GRM4: variants seen among roughly 807,000 people sequenced by gnomAD.
GRM4 encodes the protein glutamate metabotropic receptor 4.
GRM4 carries 28 observed loss-of-function variants against 81.7 expected under a neutral mutation model. The observed-to-expected ratio is 0.34, with a 90% confidence interval of 0.25 to 0.47. The LOEUF is 0.47. GRM4 is among the 20% of genes least tolerant of loss of function. The probability of loss-of-function intolerance (pLI) is 1.00; values close to 1 mark genes in which losing one functional copy is unlikely to be tolerated. For synonymous variants in GRM4, 488 were observed against 528.8 expected, an observed-to-expected ratio of 0.92 and a Z score of 1.06; for missense variants, 948 against 1,290.0, an observed-to-expected ratio of 0.73 and a Z score of 4.06.
chr6:34,139,025 C>T lies in GRM4; in HGVS notation c.-363-5166G>A, dbSNP rs574923312. 2.6e-5 allele frequency among the ~76,000 whole-genome samples: 4 copies of T among 152,370 alleles called. 1 individual carries two copies. In the South Asian group the frequency reaches 6.2e-4, roughly 24 times the overall value. On this transcript the variant is annotated intron_variant, in intron 1 of 10. Transcript: ENST00000538487. Reference sequence around the variant, plus strand: ...TCAACCCACCCCAGGCCAGCTGGGGCTTTATTCTGCCTAAAGAGAAGCCCT... The same window carrying T: ...TCAACCCACCCCAGGCCAGCTGGGGTTTTATTCTGCCTAAAGAGAAGCCCT...
At position 34,068,744 on chromosome 6, in the gene GRM4, C is replaced by G. The variant is rs1766619704; in HGVS notation, c.737-6716G>C. On this transcript the variant is annotated intron_variant, in intron 3 of 10. Transcript: ENST00000538487. The surrounding 1 kb of genome is among the most constrained non-coding windows in gnomAD (Gnocchi z 4.2). ...TCACCCACTCCCTGCTGTGGGGAGA[C>G]AGTCAGGGGTCCCCCAGGCTGTCAC... Among the ~76,000 whole-genome samples, 1 of 152,144 alleles carries G rather than the reference C, an allele frequency of 6.6e-6. No individual in the cohort carries two copies. The highest frequency in any genetic ancestry group is 2.4e-5 in the African/African-American group (1 of 41,450).
At chr6:34,051,203 G>A (rs929791415) in intron 6 of GRM4, among the ~76,000 whole-genome samples, 5 of 152,170 alleles carry the variant, frequency 3.3e-5, no homozygotes, top group African/African-American at 1.2e-4. Flanking sequence ...GAGCCAAATG[G>A]TCGGATTCAA....
intron 2 of GRM4, among the ~76,000 whole-genome samples, chr6:34,108,284 A>G (rs967327907): frequency 6.6e-6 from 1 of 152,258 alleles, no homozygotes. Context: ...AGCCGCTATA[A>G]TAAGAGTTAA....
rs142860140 is a variant in GRM4, at chr6:34,088,307, A to G, written c.736+3576T>C. Among the ~76,000 whole-genome samples, 1,065 of 152,220 alleles carry G rather than the reference A, an allele frequency of 7.0e-3. 20 individuals carry two copies. Among genetic ancestry groups the G allele is most frequent in the African/African-American group, 0.024 (1,010 of 41,528 alleles). ...CCCAGCTAATTTTTGTATTTTTAGT[A>G]GAGACGGCGTTTCACCATGTTGGCC... is the stretch of plus-strand genomic sequence containing the variant. On this transcript the variant is annotated intron_variant, in intron 3 of 10. Coordinates refer to ENST00000538487, the MANE Select transcript of GRM4 (RefSeq NM_000841.4).
At chr6:34,058,459 A>G (rs796885067) in intron 5 of GRM4, among the ~76,000 whole-genome samples, 61 of 152,272 alleles carry the variant, frequency 4.0e-4, no homozygotes, top group African/African-American at 1.3e-3. Flanking sequence ...CCTTCTCCCC[A>G]TGGTGAGGAC....
intron 3 of GRM4, chr6:34,062,299 C>T (rs1020711867): frequency 1.8e-5 from 7 of 381,426 alleles, no homozygotes; most frequent in East Asian, 8.5e-5. Context: ...AGAAGCAGCA[C>T]GGCATCATGC....
rs761544182 is a variant in GRM4 at position 34,019,352 on chromosome 6, C to T, written c.*3469G>A. Reference sequence around the variant, plus strand: ...GGTGTCTGCTCAGGCTGGCAGCAGCCCAGCCTTGGGCTTGAGCCCCAGGCA... The same window carrying T: ...GGTGTCTGCTCAGGCTGGCAGCAGCTCAGCCTTGGGCTTGAGCCCCAGGCA... On this transcript the variant is annotated 3_prime_UTR_variant, in exon 11 of 11. Coordinates refer to ENST00000538487, the MANE Select transcript of GRM4 (RefSeq NM_000841.4). 6.6e-6 allele frequency: 1 copy of T among 152,274 alleles called. No homozygotes were observed. Among genetic ancestry groups the T allele is most frequent in the Non-Finnish European group, 1.5e-5 (1 of 68,082 alleles). The allele number at this position is 152,274 out of a possible 1,614,324, so 9.4% of individuals were successfully genotyped here.
chr6:34,054,541 A>AG (rs1462849770), intron 6 of GRM4: 1 of 152,308 alleles, frequency 6.6e-6, no homozygotes, highest in East Asian at 1.9e-4. Context: ...CGCCTCCCTT[A>AG]GGACTGCTGG....
chr6:34,038,211 C>A (rs1416691578), intron 8 of GRM4, among the ~76,000 whole-genome samples: 1 of 152,220 alleles, frequency 6.6e-6, no homozygotes, highest in African/African-American at 2.4e-5. Flanking sequence ...TCTGTTGCTA[C>A]CTGGCTGTGC....
rs1173175834 is a variant in GRM4, at chr6:34,078,220, G to A, written c.736+13663C>T. Among the ~76,000 whole-genome samples the A allele has an allele frequency of 2.6e-5, 4 of 152,140 alleles. No individual in the cohort carries two copies. The highest frequency in any genetic ancestry group is 7.2e-5 in the African/African-American group (3 of 41,420). On this transcript the variant is annotated intron_variant, in intron 3 of 10. Transcript: ENST00000538487. The surrounding 1 kb of genome is among the most constrained non-coding windows in gnomAD (Gnocchi z 4.8). ...GCTCCCGGACCCATCTCCAGCTCCTGTTCCTCTGCGCTTCCTGTCTTCCCC... is the reference window on the plus strand; with the variant it reads ...GCTCCCGGACCCATCTCCAGCTCCTATTCCTCTGCGCTTCCTGTCTTCCCC...
chr6:34,121,957 C>T lies in GRM4; in HGVS notation c.519+11021G>A, dbSNP rs1370074411. On this transcript the variant is annotated intron_variant, in intron 2 of 10. Transcript: ENST00000538487. This position sits in a 1 kb window ranked among gnomAD's most constrained non-coding sequence, Gnocchi z 4.6. ...GGTGGGATTGAGGGGCACCCTGAGT[C>T]GGAGGGAGGGGTCTGGGTGGGGCGG... Among the ~76,000 whole-genome samples the T allele has an allele frequency of 7.6e-6, 1 of 131,744 alleles. No individual in the cohort carries two copies. The highest frequency in any genetic ancestry group is 3.2e-4 in the East Asian group (1 of 3,116). 86.4% of individuals were successfully genotyped at this position (131,744 alleles called of 152,430 possible).
rs141992447 is a variant in GRM4 at position 34,141,176 on chromosome 6, C to G, written c.-364+4824G>C. The stretch of plus-strand genomic sequence containing the variant: ...GGAACAGAGGGGTGGCTGGGAGAGC[C>G]AAGTGTGAAGGACTGGGTGGAACCC... On this transcript the variant is annotated intron_variant, in intron 1 of 10. Transcript: ENST00000538487. Among the ~76,000 whole-genome samples, 32 of 152,302 alleles carry G rather than the reference C, an allele frequency of 2.1e-4. No individual in the cohort carries two copies. In the East Asian group the frequency reaches 5.8e-3, roughly 28 times the overall value.
chr6:34,034,402 T>C lies in GRM4; in HGVS notation c.2442+1266A>G, dbSNP rs190538726. ...AGGCCCAGACTCCCCCACTCCCCAC[T>C]GCATCTGCTGGGGACACCCTCTCCT... On this transcript the variant is annotated intron_variant, in intron 9 of 10. Transcript: ENST00000538487. This position sits in a 1 kb window ranked among gnomAD's most constrained non-coding sequence, Gnocchi z 4.0. Among the ~76,000 whole-genome samples, 2 of 152,290 alleles carry C rather than the reference T, an allele frequency of 1.3e-5. No individual in the cohort carries two copies. The highest frequency in any genetic ancestry group is 3.9e-4 in the East Asian group (2 of 5,178).
chr6:34,140,060 G>A (rs1755963014), intron 1 of GRM4, among the ~76,000 whole-genome samples: 1 of 151,940 alleles, frequency 6.6e-6, no homozygotes, highest in Non-Finnish European at 1.5e-5. Context: ...CAGGCGATAT[G>A]AAAAAAAATA....
In GRM4 at chr6:34,040,118, C is replaced by T. The variant is rs939698348; in HGVS notation, c.1506+60G>A. ...CAGCAGCAGCCTCCCCTTGGGCCCC[C>T]CTCCCAGGGGCTGGAACTGCGTGAG... On this transcript the variant is annotated intron_variant, in intron 8 of 10. Coordinates refer to ENST00000538487, the MANE Select transcript of GRM4 (RefSeq NM_000841.4). The T allele has an allele frequency of 3.2e-6, 5 of 1,545,658 alleles. No individual in the cohort carries two copies. In the African/African-American group the frequency reaches 6.8e-5, roughly 21 times the overall value.
At chr6:34,082,363 C>G (rs891839186) in intron 3 of GRM4, among the ~76,000 whole-genome samples, 2 of 152,206 alleles carry the variant, frequency 1.3e-5, no homozygotes, top group Non-Finnish European at 2.9e-5. Context: ...CCCACTGGGC[C>G]CAAGAACAAG....
intron 3 of GRM4, among the ~76,000 whole-genome samples, chr6:34,072,277 CCACACATCACACAGATACCACA>C (rs1452022651): frequency 5.6e-5 from 7 of 125,298 alleles, no homozygotes; most frequent in South Asian, 2.7e-4. Context: ...CACACGATCA[CCACACATCACACAGATACCACA>C]CACACATCAC....
In GRM4 at chr6:34,074,090, G is replaced by A. The variant is rs1767179049; in HGVS notation, c.737-12062C>T. On this transcript the variant is annotated intron_variant, in intron 3 of 10. Coordinates refer to ENST00000538487, the MANE Select transcript of GRM4 (RefSeq NM_000841.4). The surrounding 1 kb of genome is among the most constrained non-coding windows in gnomAD (Gnocchi z 4.9). ...TCCTGCCCATCCCTTCCCCTGCCAG[G>A]AGAACGGGGCTGGATCTCGAGGTGC... 6.6e-6 allele frequency among the ~76,000 whole-genome samples: 1 copy of A among 152,206 alleles called. No homozygotes were observed. The highest frequency in any genetic ancestry group is 2.4e-5 in the African/African-American group (1 of 41,442).
chr6:34,095,574 T>G (rs2499713), intron 2 of GRM4, among the ~76,000 whole-genome samples: 2 of 152,200 alleles, frequency 1.3e-5, no homozygotes, highest in African/African-American at 4.8e-5. Context: ...CTCAGAACAG[T>G]GCCTGGCAGG....
Sources: gnomAD v4.1 joint callset for allele counts (sites outside exome capture counted in the v4.1 genomes callset) on GRCh38, gnomAD v4.1.1 for gene constraint, Gnocchi (gnomAD v3.1) non-coding constraint, MANE v1.5 for transcripts, NCBI Gene and HGNC (gene_info 2026-07-23, HGNC 2026-07-21) for gene names.